The following DCLK1 variants were observed in gnomAD, a reference collection of about 807,000 sequenced individuals.
DCLK1 encodes the protein serine/threonine-protein kinase DCLK1.
A neutral mutation model predicts 86.2 loss-of-function variants in DCLK1; 16 were observed. The observed-to-expected ratio is 0.19, with a 90% CI of 0.13 to 0.28. The LOEUF is 0.28. Among genes scored for constraint, DCLK1 ranks in the 10% least tolerant of loss-of-function variants. The pLI is 1.00. For synonymous variants in DCLK1, 369 were observed against 370.5 expected, an observed-to-expected ratio of 1.00 and a Z score of 0.05; for missense variants, 590 against 940.2, an observed-to-expected ratio of 0.63 and a Z score of 4.87.
At chr13:36,041,958 CT>C (rs1244473449) in intron 3 of DCLK1, among the ~76,000 whole-genome samples, 1 of 152,150 alleles carries the variant, frequency 6.6e-6, no homozygotes, top group Non-Finnish European at 1.5e-5. Flanking sequence ...ATTGTCTCTT[CT>C]TCTCTTGCCC....
chr13:35,813,369 G>A lies in DCLK1; in HGVS notation c.1555-2401C>T, dbSNP rs1381949623. Among the ~76,000 whole-genome samples the A allele has an allele frequency of 2.6e-5, 4 of 152,060 alleles. No individual in the cohort carries two copies. In the South Asian group the frequency reaches 8.3e-4, roughly 32 times the overall value. ...CAAAAGTTTGACAAAAGCAGATGTT[G>A]GTGGATTCAGTCATAAGTCCCATTT... On this transcript the variant is annotated intron_variant, in intron 11 of 16. Transcript: ENST00000360631.
chr13:36,091,945 C>T (rs933597561), intron 3 of DCLK1, among the ~76,000 whole-genome samples: 6 of 152,162 alleles, frequency 3.9e-5, no homozygotes, highest in Admixed American at 3.9e-4. Flanking sequence ...TCTTGCTTTC[C>T]TAGCCCAGGG....
At chr13:35,984,713 C>G (rs1315772141) in intron 3 of DCLK1, among the ~76,000 whole-genome samples, 1 of 152,056 alleles carries the variant, frequency 6.6e-6, no homozygotes, top group Admixed American at 6.6e-5. Context: ...TTCCTTTTCC[C>G]ATCTGTATTC....
chr13:35,917,589 C>G (rs73511243), intron 4 of DCLK1, among the ~76,000 whole-genome samples: 6,911 of 152,186 alleles, frequency 0.045, 315 homozygotes, highest in South Asian at 0.15. Context: ...GCATGCCAAG[C>G]CTTGTGTGAT....
intron 4 of DCLK1, among the ~76,000 whole-genome samples, chr13:35,936,477 C>G (rs568257134): frequency 3.3e-5 from 5 of 152,318 alleles, no homozygotes; most frequent in Admixed American, 6.5e-5. Flanking sequence ...AGTTACTAGA[C>G]AGAAAGCAGA....
At chr13:35,839,247 G>T in intron 6 of DCLK1, 71 bp from the exon 7 acceptor site, 1 of 1,351,938 alleles carries the variant, frequency 7.4e-7, no homozygotes, top group Non-Finnish European at 1.0e-6. Context: ...ACCATGCCCA[G>T]CCCGGAATCT....
intron 3 of DCLK1, among the ~76,000 whole-genome samples, chr13:36,099,028 C>A (rs540014149): frequency 6.6e-6 from 1 of 150,600 alleles, no homozygotes; most frequent in Non-Finnish European, 1.5e-5. Context: ...AGTGCAATGG[C>A]GCGATCAAAG....
At chr13:35,994,659 C>A (rs888070312) in intron 3 of DCLK1, among the ~76,000 whole-genome samples, 2 of 152,152 alleles carry the variant, frequency 1.3e-5, no homozygotes, top group South Asian at 2.1e-4. Flanking sequence ...GATGAATGGG[C>A]GGCTTCCAAC....
chr13:36,002,594 A>T (rs906361203), intron 3 of DCLK1, among the ~76,000 whole-genome samples: 3 of 152,206 alleles, frequency 2.0e-5, no homozygotes, highest in African/African-American at 7.2e-5. Flanking sequence ...TTATATTGGG[A>T]CACAGAGAGA....
chr13:35,938,382 C>T (rs1437173636), intron 4 of DCLK1, among the ~76,000 whole-genome samples: 1 of 152,130 alleles, frequency 6.6e-6, no homozygotes, highest in East Asian at 1.9e-4. Flanking sequence ...GTAATCCCAG[C>T]ACTTTGGGAG....
At chr13:36,064,877 C>T (rs773849194) in intron 3 of DCLK1, among the ~76,000 whole-genome samples, 6 of 152,040 alleles carry the variant, frequency 3.9e-5, no homozygotes, top group Non-Finnish European at 8.8e-5. Flanking sequence ...GGTCACCATG[C>T]CATTACTTTG....
At chr13:35,994,482 CA>C (rs1179577246) in intron 3 of DCLK1, among the ~76,000 whole-genome samples, 6 of 152,128 alleles carry the variant, frequency 3.9e-5, no homozygotes, top group African/African-American at 1.4e-4. Context: ...CATCAGGTCT[CA>C]AGAACACAAA....
chr13:35,887,251 G>A (rs1873328067), intron 4 of DCLK1, among the ~76,000 whole-genome samples: 1 of 152,186 alleles, frequency 6.6e-6, no homozygotes, highest in Non-Finnish European at 1.5e-5. Flanking sequence ...GGGAGGTGAG[G>A]TTAGAACACC....
intron 3 of DCLK1, among the ~76,000 whole-genome samples, chr13:35,987,882 C>A (rs767733654): frequency 1.3e-5 from 2 of 152,150 alleles, no homozygotes; most frequent in Non-Finnish European, 2.9e-5. Flanking sequence ...CTGAACATTT[C>A]TAGAGCTTTT....
At chr13:35,846,841 T>G in intron 6 of DCLK1, 4 of 985,084 alleles carry the variant, frequency 4.1e-6, no homozygotes, top group Non-Finnish European at 4.8e-6. Flanking sequence ...TTTATGTAGA[T>G]ATATACACAC....
At chr13:35,780,854 TC>T (rs1302679072) in intron 16 of DCLK1, among the ~76,000 whole-genome samples, 1 of 152,130 alleles carries the variant, frequency 6.6e-6, no homozygotes, top group African/African-American at 2.4e-5. Context: ...GGGAAATCCA[TC>T]CCCATCGTGT....
At chr13:35,848,077 C>G in intron 6 of DCLK1, 3 of 985,228 alleles carry the variant, frequency 3.0e-6, no homozygotes, top group Non-Finnish European at 3.6e-6. Flanking sequence ...AAAGTGAGTG[C>G]AAGTGAAAAA....
intron 3 of DCLK1, among the ~76,000 whole-genome samples, chr13:35,990,777 T>A (rs1176637184): frequency 7.3e-5 from 10 of 137,476 alleles, no homozygotes; most frequent in South Asian, 2.4e-4. Context: ...TTTGTTGGTT[T>A]TTAAACAGCC....
Position 35,808,320 on chromosome 13 carries a change from TCTGTTTAGGTGAACGA to T in DCLK1, c.1767-16_1767-1del. The T allele has an allele frequency of 1.2e-6, 2 of 1,613,792 alleles. No homozygotes were observed. The highest frequency in any genetic ancestry group is 1.7e-6 in the Non-Finnish European group (2 of 1,179,718). On this transcript the variant is annotated splice_acceptor_variant and splice_polypyrimidine_tract_variant and intron_variant, in intron 13 of 16. Transcript: ENST00000360631. LOFTEE classifies it high-confidence loss of function. Reference sequence around the variant, plus strand: ...AAAGCACCTCCTGGTCATCACCACTTCTGTTTAGGTGAACGACAACAAGGAAAAACAGCACTAAGAT... The same window carrying T: ...AAAGCACCTCCTGGTCATCACCACTTCAACAAGGAAAAACAGCACTAAGAT...
Sources: gnomAD v4.1 joint callset for allele counts (sites outside exome capture counted in the v4.1 genomes callset) on GRCh38, gnomAD v4.1.1 for gene constraint, MANE v1.5 for transcripts, NCBI Gene and HGNC (gene_info 2026-07-23, HGNC 2026-07-21) for gene names.